The following BCAS3 variants were observed in gnomAD, a reference collection of about 807,000 sequenced individuals.
BCAS3 encodes BCAS4/BCAS3 fusion.
BCAS3 carries 53 observed loss-of-function variants against 116.1 expected under a neutral mutation model. The observed-to-expected ratio is 0.46, with a 90% confidence interval of 0.37 to 0.57. The LOEUF is 0.57. Among genes scored for constraint, BCAS3 ranks in the 20% least tolerant of loss-of-function variants. The pLI is 0.00. For synonymous variants in BCAS3, 391 were observed against 408.2 expected (o/e 0.96, Z 0.51); for missense variants, 917 against 1,165.4 (o/e 0.79, Z 3.10).
intron 6 of BCAS3, among the ~76,000 whole-genome samples, chr17:60,796,727 T>A (rs2047244631): frequency 1.3e-5 from 2 of 152,156 alleles, no homozygotes; most frequent in Non-Finnish European, 2.9e-5. Context: ...TGCTCTGATC[T>A]TTGTTATTTC....
Position 60,731,780 on chromosome 17 carries a change from AT to A in BCAS3, c.322-15402del, listed in dbSNP as rs538038279. Among the ~76,000 whole-genome samples the A allele has an allele frequency of 1.9e-3, 237 of 125,912 alleles. 1 individual carries two copies. Among genetic ancestry groups the A allele is most frequent in the East Asian group, 0.012 (51 of 4,420 alleles). 82.6% of individuals were successfully genotyped at this position (125,912 alleles called of 152,430 possible). A position where few individuals can be genotyped will look rare whatever the true frequency, so the allele number is the denominator to read the frequency against. On this transcript the variant is annotated intron_variant, in intron 5 of 23. Coordinates refer to ENST00000407086, the MANE Select transcript of BCAS3 (RefSeq NM_017679.5). The stretch of plus-strand genomic sequence containing the variant: ...TCATGTATCCGCTTATCACCCTCCT[AT>A]TTTTTTTTTTTTTTTGAGGCAGAGT...
In BCAS3 at chr17:61,140,295, G is replaced by A. The variant is rs1008241597; in HGVS notation, c.2425+55731G>A. Reference sequence around the variant, plus strand: ...ATACTGGACCAATTTGGGAAAGTACGGAAGTTTGCTTTGAATATATAGCAA... The same window carrying A: ...ATACTGGACCAATTTGGGAAAGTACAGAAGTTTGCTTTGAATATATAGCAA... On this transcript the variant is annotated intron_variant, in intron 22 of 23. Transcript: ENST00000407086. The surrounding 1 kb of genome is among the most constrained non-coding windows in gnomAD (Gnocchi z 4.2). Among the ~76,000 whole-genome samples, 1 of 152,138 alleles carries A rather than the reference G, an allele frequency of 6.6e-6. No individual in the cohort carries two copies. The highest frequency in any genetic ancestry group is 1.5e-5 in the Non-Finnish European group (1 of 68,026).
intron 5 of BCAS3, among the ~76,000 whole-genome samples, chr17:60,723,056 CT>C (rs2144105874): frequency 6.6e-6 from 1 of 152,162 alleles, no homozygotes; most frequent in African/African-American, 2.4e-5. Context: ...TCAAAAAATG[CT>C]TTTTATTTTG....
chr17:61,010,509 A>G (rs377197880), intron 15 of BCAS3, among the ~76,000 whole-genome samples: 86 of 152,042 alleles, frequency 5.7e-4, no homozygotes, highest in African/African-American at 1.9e-3. Context: ...TTAAATTGCA[A>G]ACTTTTAGAA....
chr17:61,221,451 G>A (rs1182197569), intron 22 of BCAS3, among the ~76,000 whole-genome samples: 1 of 152,156 alleles, frequency 6.6e-6, no homozygotes, highest in Non-Finnish European at 1.5e-5. Context: ...CTGTCCTTTA[G>A]AGATTTAAGA....
At chr17:60,947,479 A>G (rs1171455570) in intron 14 of BCAS3, 127 bp downstream of exon 14, 3 of 1,060,988 alleles carry the variant, frequency 2.8e-6, no homozygotes, top group Non-Finnish European at 3.9e-6. Flanking sequence ...CTGTGATAGA[A>G]TGGGTTAGAT....
intron 6 of BCAS3, among the ~76,000 whole-genome samples, chr17:60,786,955 G>C (rs2046336136): frequency 6.6e-6 from 1 of 152,036 alleles, no homozygotes; most frequent in Non-Finnish European, 1.5e-5. Flanking sequence ...CCTTCATAAA[G>C]GTAGAAAGCA....
intron 23 of BCAS3, among the ~76,000 whole-genome samples, chr17:61,369,034 C>T (rs1413178581): frequency 6.6e-6 from 1 of 152,164 alleles, no homozygotes; most frequent in Non-Finnish European, 1.5e-5. Context: ...AATCAGAAGA[C>T]ATCCTTAAAT....
At chr17:61,016,834 G>A (rs901445714) in intron 16 of BCAS3, 6 of 152,164 alleles carry the variant, frequency 3.9e-5, no homozygotes. Context: ...GTTGTGCTCA[G>A]TATTAATGTG....
intron 15 of BCAS3, among the ~76,000 whole-genome samples, chr17:61,006,129 A>G (rs1466967862): frequency 1.3e-5 from 2 of 152,062 alleles, no homozygotes; most frequent in Non-Finnish European, 2.9e-5. Context: ...ACATGAACTC[A>G]TCATTTTTCA....
chr17:61,206,657 CG>C (rs143246747), intron 22 of BCAS3, among the ~76,000 whole-genome samples: 3,568 of 151,854 alleles, frequency 0.023, 55 homozygotes, highest in Middle Eastern at 0.071. Context: ...AGAAATTAGC[CG>C]GGCATGGTTG....
intron 4 of BCAS3, among the ~76,000 whole-genome samples, chr17:60,699,442 A>C (rs534521957): frequency 6.6e-6 from 1 of 152,062 alleles, no homozygotes; most frequent in African/African-American, 2.4e-5. Context: ...GCTGGTCTTG[A>C]ACTTCTGACC....
intron 23 of BCAS3, among the ~76,000 whole-genome samples, chr17:61,372,700 G>A (rs961846043): frequency 3.9e-5 from 6 of 152,110 alleles, no homozygotes; most frequent in African/African-American, 1.2e-4. Context: ...TCTCTTGCCC[G>A]CGAGGCTTCT....
chr17:61,034,625 C>A lies in BCAS3; in HGVS notation c.1638-41C>A. On this transcript the variant is annotated intron_variant, in intron 16 of 23. Transcript: ENST00000407086. This position sits in a 1 kb window ranked among gnomAD's most constrained non-coding sequence, Gnocchi z 5.0. ...GTCATTACCTAAAGGAGTATCATTT[C>A]ATCATGATAATTGTTTTTTACTCTT... 2 of 1,533,146 alleles carry A rather than the reference C, an allele frequency of 1.3e-6. No individual in the cohort carries two copies. Among genetic ancestry groups the A allele is most frequent in the Non-Finnish European group, 8.9e-7 (1 of 1,117,748 alleles). The allele number at this position is 1,533,146 out of a possible 1,614,324, so 95.0% of individuals were successfully genotyped here.
chr17:61,263,339 AG>A, intron 22 of BCAS3, among the ~76,000 whole-genome samples: 1 of 152,356 alleles, frequency 6.6e-6, no homozygotes, highest in East Asian at 1.9e-4. Context: ...CCCACCTGGC[AG>A]GCCTTCGGTA....
rs142686713 is a variant in BCAS3 at position 60,684,478 on chromosome 17, TCTAA to T, written c.138+445_138+448del. Reference sequence around the variant, plus strand: ...TATGCCAACTAAGGTATCCTGTTACTCTAACTGATAAAAGATTAAGTCTTTTACT... The same window carrying T: ...TATGCCAACTAAGGTATCCTGTTACTCTGATAAAAGATTAAGTCTTTTACT... On this transcript the variant is annotated intron_variant, in intron 3 of 23. Coordinates refer to ENST00000407086, the MANE Select transcript of BCAS3 (RefSeq NM_017679.5). Among the ~76,000 whole-genome samples, 557 of 152,222 alleles carry T rather than the reference TCTAA, an allele frequency of 3.7e-3. 8 individuals carry two copies. The highest frequency in any genetic ancestry group is 0.013 in the African/African-American group (522 of 41,538).
At position 61,327,177 on chromosome 17, in the gene BCAS3, C is replaced by T. The variant is rs1239105853; in HGVS notation, c.2426-41150C>T. 2.0e-5 allele frequency among the ~76,000 whole-genome samples: 3 copies of T among 151,902 alleles called. No individual in the cohort carries two copies. The highest frequency in any genetic ancestry group is 4.4e-5 in the Non-Finnish European group (3 of 67,986). On this transcript the variant is annotated intron_variant, in intron 22 of 23. Transcript: ENST00000407086. This position sits in a 1 kb window ranked among gnomAD's most constrained non-coding sequence, Gnocchi z 5.9. Reference sequence around the variant, plus strand: ...AATTAGCTGGGTGTGGTGGCGGGCGCCTGTAGTCCCAGCTACTAGGGAGGC... The same window carrying T: ...AATTAGCTGGGTGTGGTGGCGGGCGTCTGTAGTCCCAGCTACTAGGGAGGC...
chr17:60,711,607 A>T (rs2144026027), intron 5 of BCAS3, among the ~76,000 whole-genome samples: 1 of 152,244 alleles, frequency 6.6e-6, no homozygotes, highest in Admixed American at 6.5e-5. Flanking sequence ...GGGGATATTA[A>T]TTTTAATAGT....
chr17:60,874,644 T>C lies in BCAS3; in HGVS notation c.585-18T>C, dbSNP rs760266975. The stretch of plus-strand genomic sequence containing the variant: ...TTCACTTTTTTTCTTTCTGTTTTTT[T>C]TCTCTCTCTAATTTTAGGATCCTTG... On this transcript the variant is annotated intron_variant, in intron 8 of 23. Transcript: ENST00000407086. 6.4e-7 allele frequency: 1 copy of C among 1,569,816 alleles called. No homozygotes were observed. The highest frequency in any genetic ancestry group is 8.7e-7 in the Non-Finnish European group (1 of 1,143,190).
Sources: allele counts gnomAD v4.1 joint callset (sites outside exome capture counted in the v4.1 genomes callset), GRCh38; gene constraint gnomAD v4.1.1; non-coding constraint Gnocchi (gnomAD v3.1); transcripts MANE v1.5; gene names NCBI Gene and HGNC (gene_info 2026-07-23, HGNC 2026-07-21).